The following DCBLD2 variants were observed in gnomAD, a reference collection of about 807,000 sequenced individuals.
DCBLD2 encodes the protein discoidin, CUB and LCCL domain-containing protein 2.
Under a neutral mutation model 86.8 loss-of-function variants are expected in DCBLD2, and 54 were observed. The observed-to-expected ratio is 0.62, with a 90% CI of 0.50 to 0.78. DCBLD2 has a LOEUF of 0.78. DCBLD2 is among the 30% of genes least tolerant of loss of function. DCBLD2 has a pLI of 0.00. For missense variants in DCBLD2, 908 were observed against 954.2 expected (o/e 0.95, Z 0.64); for synonymous variants, 354 against 341.3 (o/e 1.04, Z -0.41).
Position 98,870,757 on chromosome 3 carries a change from G to GAAAAGAAAGA in DCBLD2, c.433+10782_433+10783insTCTTTCTTTT, listed in dbSNP as rs71124008. ...AAAGAAAAAGAAAGAAAGAAAGAAA[G>GAAAAGAAAGA]AAAGAAAGAAAGAAAGAAAGAAAGA... On this transcript the variant is annotated intron_variant, in intron 2 of 15. Transcript: ENST00000326840. Among the ~76,000 whole-genome samples the GAAAAGAAAGA allele has an allele frequency of 8.1e-5, 9 of 111,516 alleles. 1 individual carries two copies. The highest frequency in any genetic ancestry group is 5.9e-4 in the South Asian group (2 of 3,384). 73.2% of individuals were successfully genotyped at this position (111,516 alleles called of 152,430 possible).
intron 1 of DCBLD2, among the ~76,000 whole-genome samples, chr3:98,893,328 A>G (rs1412983313): frequency 6.6e-6 from 1 of 151,926 alleles, no homozygotes; most frequent in African/African-American, 2.4e-5. Flanking sequence ...TATTATTTAA[A>G]TCCAGGTATG....
At chr3:98,890,767 T>C (rs961551055) in intron 1 of DCBLD2, among the ~76,000 whole-genome samples, 1 of 152,090 alleles carries the variant, frequency 6.6e-6, no homozygotes, top group Non-Finnish European at 1.5e-5. Context: ...TAACTGTATG[T>C]AACCTTGTTA....
chr3:98,856,063 T>C (rs1262772138), intron 2 of DCBLD2, among the ~76,000 whole-genome samples: 1 of 152,208 alleles, frequency 6.6e-6, no homozygotes, highest in Non-Finnish European at 1.5e-5. Flanking sequence ...GTGCCAAGCA[T>C]CACAGATGAG....
intron 2 of DCBLD2, among the ~76,000 whole-genome samples, chr3:98,864,299 T>G (rs527730094): frequency 6.6e-6 from 1 of 152,348 alleles, no homozygotes; most frequent in African/African-American, 2.4e-5. Context: ...AGTGTGGCAA[T>G]TCCTCAAGTA....
At chr3:98,836,624 G>C (rs1183274420) in intron 3 of DCBLD2, among the ~76,000 whole-genome samples, 1 of 137,422 alleles carries the variant, frequency 7.3e-6, no homozygotes, top group Non-Finnish European at 1.6e-5. Context: ...CTCCCAGACG[G>C]GGCGGCTGGC....
chr3:98,865,364 C>G (rs751180907), intron 2 of DCBLD2, among the ~76,000 whole-genome samples: 21 of 151,998 alleles, frequency 1.4e-4, no homozygotes, highest in Admixed American at 3.3e-4. Context: ...ATAAGCAAGG[C>G]ATAGAAAGAC....
At chr3:98,816,479 G>A (rs1190664072) in intron 9 of DCBLD2, among the ~76,000 whole-genome samples, 1 of 152,146 alleles carries the variant, frequency 6.6e-6, no homozygotes, top group African/African-American at 2.4e-5. Flanking sequence ...GAGTAGTCAA[G>A]TTTAGGGGCA....
intron 9 of DCBLD2, 110 bp from the exon 10 acceptor site, chr3:98,812,592 G>A (rs893571621): frequency 2.3e-6 from 2 of 884,344 alleles, no homozygotes; most frequent in Non-Finnish European, 3.3e-6. Context: ...ATTACATCTG[G>A]AAAGTATGAT....
intron 2 of DCBLD2, among the ~76,000 whole-genome samples, chr3:98,859,443 AC>A (rs954200654): frequency 6.6e-6 from 1 of 152,052 alleles, no homozygotes; most frequent in African/African-American, 2.4e-5. Flanking sequence ...TGGGTCCCTG[AC>A]CCCCAAGTAG....
At chr3:98,815,118 G>C (rs187394237) in intron 9 of DCBLD2, 1 of 152,104 alleles carries the variant, frequency 6.6e-6, no homozygotes, top group Non-Finnish European at 1.5e-5. Flanking sequence ...GAGTGAGAGA[G>C]AGAGAGAGAG....
intron 3 of DCBLD2, among the ~76,000 whole-genome samples, chr3:98,844,740 A>G (rs956841063): frequency 1.2e-4 from 19 of 152,324 alleles, no homozygotes; most frequent in Non-Finnish European, 2.2e-4. Flanking sequence ...TGCCTCACTC[A>G]GTAACACCAG....
At chr3:98,899,008 T>C (rs1342065244) in intron 1 of DCBLD2, among the ~76,000 whole-genome samples, 1 of 151,776 alleles carries the variant, frequency 6.6e-6, no homozygotes, top group Non-Finnish European at 1.5e-5. Flanking sequence ...ACCTTAATGA[T>C]GTAGAAAACT....
intron 1 of DCBLD2, among the ~76,000 whole-genome samples, chr3:98,882,789 T>C (rs867154643): frequency 6.6e-6 from 1 of 152,212 alleles, no homozygotes; most frequent in African/African-American, 2.4e-5. Context: ...CCATGGTGTA[T>C]ATGTGCCACA....
At chr3:98,839,968 G>A (rs1942591648) in intron 3 of DCBLD2, among the ~76,000 whole-genome samples, 1 of 152,122 alleles carries the variant, frequency 6.6e-6, no homozygotes, top group African/African-American at 2.4e-5. Context: ...CAGGCAGCGG[G>A]AATCAAAGGC....
intron 2 of DCBLD2, among the ~76,000 whole-genome samples, 196 bp downstream of exon 2, chr3:98,881,344 C>T (rs1221219655): frequency 2.6e-5 from 4 of 151,476 alleles, no homozygotes; most frequent in Non-Finnish European, 5.9e-5. Flanking sequence ...CCAATATGTG[C>T]TTATTAGAAA....
chr3:98,871,283 C>G lies in DCBLD2; in HGVS notation c.433+10257G>C, dbSNP rs1943278642. 2.0e-5 allele frequency among the ~76,000 whole-genome samples: 3 copies of G among 152,126 alleles called. No individual in the cohort carries two copies. In the South Asian group the frequency reaches 6.2e-4, roughly 31 times the overall value. On this transcript the variant is annotated intron_variant, in intron 2 of 15. Transcript: ENST00000326840. Reference sequence around the variant, plus strand: ...AACTTAGATGCCCTTTATTTCTTCTCTTGCCTGACTGTTCTAGCTAGAACT... The same window carrying G: ...AACTTAGATGCCCTTTATTTCTTCTGTTGCCTGACTGTTCTAGCTAGAACT...
rs529532194 is a variant in DCBLD2, at chr3:98,870,652, G to A, written c.433+10888C>T. Among the ~76,000 whole-genome samples the A allele has an allele frequency of 4.6e-5, 5 of 109,418 alleles. No homozygotes were observed. The East Asian group carries it at 1.1e-3, about 24-fold the overall frequency. The allele number at this position is 109,418 out of a possible 152,430, so 71.8% of individuals were successfully genotyped here. On this transcript the variant is annotated intron_variant, in intron 2 of 15. Coordinates refer to ENST00000326840, the MANE Select transcript of DCBLD2 (RefSeq NM_080927.4). ...AGGGAAATGGAAGGAAGAAGAGATA[G>A]AGAAAGAGAGAGAGAGAGAGAGAGA...
At chr3:98,836,735 C>A (rs200300341) in intron 3 of DCBLD2, among the ~76,000 whole-genome samples, 8 of 75,670 alleles carry the variant, frequency 1.1e-4, no homozygotes, top group East Asian at 6.4e-4. Flanking sequence ...CTGACCCCCC[C>A]ATCTCCCTCC....
chr3:98,826,918 G>GTA (rs2107454434), intron 3 of DCBLD2, among the ~76,000 whole-genome samples: 1 of 152,188 alleles, frequency 6.6e-6, no homozygotes, highest in East Asian at 1.9e-4. Flanking sequence ...ACACTGAACA[G>GTA]TATATAAATA....
Sources: allele counts gnomAD v4.1 joint callset (sites outside exome capture counted in the v4.1 genomes callset), GRCh38; gene constraint gnomAD v4.1.1; transcripts MANE v1.5; gene names NCBI Gene and HGNC (gene_info 2026-07-23, HGNC 2026-07-21).